GUCY2C: variants seen among roughly 807,000 people sequenced by gnomAD.
GUCY2C encodes guanylate cyclase 2C, also known as guanylyl cyclase C.
In GUCY2C, 118 loss-of-function variants were observed where a neutral mutation model predicts 131.1. The ratio of observed to expected loss-of-function variants is 0.90; its 90% CI spans 0.78 to 1.05. GUCY2C has a LOEUF of 1.05. Among genes scored for constraint, GUCY2C ranks in the 50% least tolerant of loss-of-function variants. GUCY2C has a pLI of 0.00. For synonymous variants in GUCY2C, 452 were observed against 457.8 expected, an observed-to-expected ratio of 0.99 and a Z score of 0.16; for missense variants, 1,161 against 1,304.4, an observed-to-expected ratio of 0.89 and a Z score of 1.69.
At chr12:14,635,312 CT>C (rs1445801931) in intron 19 of GUCY2C, among the ~76,000 whole-genome samples, 2 of 152,076 alleles carry the variant, frequency 1.3e-5, no homozygotes, top group African/African-American at 4.8e-5. Context: ...CCAGGAGGAA[CT>C]TTGGAAACTA....
intron 7 of GUCY2C, among the ~76,000 whole-genome samples, chr12:14,676,537 G>A (rs1001419631): frequency 9.2e-5 from 14 of 152,184 alleles, no homozygotes; most frequent in Non-Finnish European, 1.9e-4. Context: ...TTAAGTGTAA[G>A]ATTGACCCTC....
At chr12:14,662,431 T>C (rs1005257499) in intron 10 of GUCY2C, among the ~76,000 whole-genome samples, 1 of 152,030 alleles carries the variant, frequency 6.6e-6, no homozygotes, top group Non-Finnish European at 1.5e-5. Context: ...ATCCCAGCAC[T>C]TTGGGGGGGC....
intron 24 of GUCY2C, 90 bp downstream of exon 24, chr12:14,619,121 G>A (rs1018237200): frequency 1.4e-6 from 1 of 715,692 alleles, no homozygotes; most frequent in Non-Finnish European, 2.5e-6. Context: ...CTGGCACTTT[G>A]TATCTCCTTA....
chr12:14,628,525 G>T, intron 20 of GUCY2C, 121 bp downstream of exon 20: 1 of 653,240 alleles, frequency 1.5e-6, no homozygotes, highest in South Asian at 1.7e-5. Context: ...GGCAGTTGTT[G>T]GTTGCCACCT....
chr12:14,614,429 C>A (rs1946714805), intron 26 of GUCY2C: 1 of 158,344 alleles, frequency 6.3e-6, no homozygotes. Context: ...TTAAAAATAT[C>A]ATGAATACAG....
chr12:14,638,722 G>A (rs2137014338), intron 19 of GUCY2C, among the ~76,000 whole-genome samples: 1 of 152,300 alleles, frequency 6.6e-6, no homozygotes, highest in Non-Finnish European at 1.5e-5. Flanking sequence ...TAGGGCAGGG[G>A]ATGAATGAAG....
chr12:14,649,842 C>G (rs1185356910), intron 15 of GUCY2C, among the ~76,000 whole-genome samples: 1 of 152,124 alleles, frequency 6.6e-6, no homozygotes, highest in African/African-American at 2.4e-5. Context: ...AGAGCCTAGT[C>G]AAAGGGTTTC....
In GUCY2C at chr12:14,622,009, T is replaced by G. The variant is rs767457899; in HGVS notation, c.2597A>C (p.Tyr866Ser). The G allele has an allele frequency of 1.9e-6, 3 of 1,597,206 alleles. No homozygotes were observed. In the Admixed American group the frequency reaches 5.3e-5, roughly 28 times the overall value. Residue 866 changes from tyrosine to serine, a missense_variant, in exon 22 of 27, where the codon TAC becomes TCC. Coordinates refer to ENST00000261170, the MANE Select transcript of GUCY2C (RefSeq NM_004963.4). Reference protein sequence around the residue: ...FDHIVDHHDVYKVETIGDAYM... With the variant: ...FDHIVDHHDVSKVETIGDAYM... Reference sequence around the variant, plus strand: ...CCTGTTAGGTGATGTGGTTACCTTGTAGACATCATGATGATCAACAATGTG... The same window carrying G: ...CCTGTTAGGTGATGTGGTTACCTTGGAGACATCATGATGATCAACAATGTG...
chr12:14,647,942 T>TTTTA (rs1213248846), intron 15 of GUCY2C, among the ~76,000 whole-genome samples: 1 of 89,498 alleles, frequency 1.1e-5, no homozygotes, highest in African/African-American at 3.7e-5. Context: ...CATATCATCT[T>TTTTA]TTTACTTATT....
At chr12:14,622,957 G>C (rs7132095) in intron 21 of GUCY2C, among the ~76,000 whole-genome samples, 12,381 of 152,212 alleles carry the variant, frequency 0.081, 1,440 homozygotes, top group African/African-American at 0.26. Context: ...ATTGAGAAAA[G>C]GAAGTGAGGG....
At position 14,687,599 on chromosome 12, in the gene GUCY2C, AAC is replaced by A. The variant is rs550306029; in HGVS notation, c.330+350_330+351del. Among the ~76,000 whole-genome samples the A allele has an allele frequency of 2.1e-3, 313 of 152,304 alleles. 1 individual carries two copies. Among genetic ancestry groups the A allele is most frequent in the African/African-American group, 7.2e-3 (301 of 41,554 alleles). On this transcript the variant is annotated intron_variant, in intron 2 of 26. Coordinates refer to ENST00000261170, the MANE Select transcript of GUCY2C (RefSeq NM_004963.4). Reference sequence around the variant, plus strand: ...TATGCCACTGCACTCCAGCCTGGGCAACAGAGGGAGACCCTGTCTCAAAAAAC... The same window carrying A: ...TATGCCACTGCACTCCAGCCTGGGCAAGAGGGAGACCCTGTCTCAAAAAAC...
chr12:14,654,204 T>G (rs1947719481), intron 12 of GUCY2C, among the ~76,000 whole-genome samples: 1 of 152,282 alleles, frequency 6.6e-6, no homozygotes, highest in Non-Finnish European at 1.5e-5. Context: ...TGGTCTGATA[T>G]TCTGACCCTT....
At chr12:14,646,859 C>G (rs1947533495) in intron 15 of GUCY2C, among the ~76,000 whole-genome samples, 1 of 152,074 alleles carries the variant, frequency 6.6e-6, no homozygotes, top group Non-Finnish European at 1.5e-5. Context: ...GGTGCACAGT[C>G]TGGTGAAGGA....
Position 14,672,853 on chromosome 12 carries a change from T to C in GUCY2C, c.1170+20A>G. 1 of 1,439,346 alleles carries C rather than the reference T, an allele frequency of 6.9e-7. No individual in the cohort carries two copies. The highest frequency in any genetic ancestry group is 9.8e-7 in the Non-Finnish European group (1 of 1,021,318). 89.2% of individuals were successfully genotyped at this position (1,439,346 alleles called of 1,614,324 possible). A position where few individuals can be genotyped will look rare whatever the true frequency, so the allele number is the denominator to read the frequency against. ...CCCAGTCACAGCACCCTGAATTTTC[T>C]GATAAGCAGTGAGACATACTTTCTT... On this transcript the variant is annotated intron_variant, in intron 9 of 26. Coordinates refer to ENST00000261170, the MANE Select transcript of GUCY2C (RefSeq NM_004963.4).
intron 19 of GUCY2C, among the ~76,000 whole-genome samples, chr12:14,629,554 G>A (rs1157012341): frequency 6.6e-6 from 1 of 152,108 alleles, no homozygotes; most frequent in East Asian, 1.9e-4. Flanking sequence ...TAATTTTCAG[G>A]CCTTCTCCCT....
At chr12:14,635,263 T>C (rs1465879917) in intron 19 of GUCY2C, among the ~76,000 whole-genome samples, 3 of 152,116 alleles carry the variant, frequency 2.0e-5, no homozygotes, top group Non-Finnish European at 4.4e-5. Flanking sequence ...ATATCAAATA[T>C]CTTCTCAGGC....
At chr12:14,658,243 C>T (rs926024974) in intron 11 of GUCY2C, among the ~76,000 whole-genome samples, 2 of 152,066 alleles carry the variant, frequency 1.3e-5, no homozygotes, top group African/African-American at 2.4e-5. Flanking sequence ...TTTTCAAATA[C>T]CTTTTCCTAG....
chr12:14,639,192 G>A (rs1331049937), intron 19 of GUCY2C, among the ~76,000 whole-genome samples: 2 of 151,560 alleles, frequency 1.3e-5, no homozygotes, highest in Admixed American at 1.3e-4. Flanking sequence ...CAGCTACTCA[G>A]GAGGCCGAGG....
chr12:14,638,430 A>T (rs1403352882), intron 19 of GUCY2C, among the ~76,000 whole-genome samples: 1 of 152,246 alleles, frequency 6.6e-6, no homozygotes, highest in Non-Finnish European at 1.5e-5. Flanking sequence ...ATTTATTGCA[A>T]CACTATTCAC....
Sources: gnomAD v4.1 joint callset for allele counts (sites outside exome capture counted in the v4.1 genomes callset) on GRCh38, gnomAD v4.1.1 for gene constraint, MANE v1.5 for transcripts, NCBI Gene and HGNC (gene_info 2026-07-23, HGNC 2026-07-21) for gene names.